The following FAXDC2 variants were observed in gnomAD, a reference collection of about 807,000 sequenced individuals.
The protein encoded by FAXDC2 is fatty acid hydroxylase domain-containing protein 2.
FAXDC2 carries 41 observed loss-of-function variants against 40.9 expected under a neutral mutation model. That is an observed-to-expected ratio of 1.00 (90% CI 0.78 to 1.30). FAXDC2 has a LOEUF of 1.30. Among genes scored for constraint, FAXDC2 ranks in the 50% most tolerant of loss-of-function variants. The pLI, the probability that FAXDC2 is intolerant of heterozygous loss-of-function variation, is 0.00. For synonymous variants in FAXDC2, 157 were observed against 149.3 expected, an observed-to-expected ratio of 1.05 and a Z score of -0.38; for missense variants, 390 against 408.8, an observed-to-expected ratio of 0.95 and a Z score of 0.40.
rs1296623168 is a variant in FAXDC2, at chr5:154,819,764, A to C, written c.*552T>G. On this transcript the variant is annotated 3_prime_UTR_variant, in exon 9 of 9. Transcript: ENST00000326080. The stretch of plus-strand genomic sequence containing the variant: ...TGTATGTTTGTGTGTGTGTTGGGTG[A>C]AGTGGCGACTGGCATCTGGTATGTC... The C allele has an allele frequency of 6.5e-6, 1 of 153,198 alleles. No individual in the cohort carries two copies. Among genetic ancestry groups the C allele is most frequent in the Non-Finnish European group, 1.5e-5 (1 of 68,480 alleles). The allele number at this position is 153,198 out of a possible 1,614,324, so 9.5% of individuals were successfully genotyped here. A position where few individuals can be genotyped will look rare whatever the true frequency, so the allele number is the denominator to read the frequency against.
chr5:154,849,141 G>A (rs1760674820), intron 1 of FAXDC2, among the ~76,000 whole-genome samples: 1 of 152,002 alleles, frequency 6.6e-6, no homozygotes, highest in South Asian at 2.1e-4. Flanking sequence ...TTAGCTGGGT[G>A]TGGTGGCGGG....
rs554429951 is a variant in FAXDC2 at position 154,821,854 on chromosome 5, G to T, written c.679-428C>A. The T allele has an allele frequency of 3.7e-5, 6 of 162,648 alleles. No homozygotes were observed. In the South Asian group the frequency reaches 1.0e-3, roughly 28 times the overall value. The allele number at this position is 162,648 out of a possible 1,614,324, so 10.1% of individuals were successfully genotyped here. ...CTCCTATAATCCCAACACTTTGGGA[G>T]GCCAAGGCGGGTAGATCACGAGGTC... On this transcript the variant is annotated intron_variant, in intron 7 of 8. Coordinates refer to ENST00000326080, the MANE Select transcript of FAXDC2 (RefSeq NM_032385.5).
chr5:154,830,767 C>T (rs1760167428), intron 5 of FAXDC2, 34 bp downstream of exon 5: 1 of 1,608,244 alleles, frequency 6.2e-7, no homozygotes, highest in Non-Finnish European at 8.5e-7. Context: ...CTCTTGCTTT[C>T]TGTGCTTTGA....
intron 5 of FAXDC2, among the ~76,000 whole-genome samples, chr5:154,825,894 T>C (rs913233633): frequency 6.6e-6 from 1 of 151,830 alleles, no homozygotes; most frequent in African/African-American, 2.4e-5. Context: ...TCCACTCAGA[T>C]TGGGGAGGTT....
chr5:154,834,988 C>G (rs148417512), intron 2 of FAXDC2, 54 bp from the exon 3 acceptor site: 2 of 1,115,810 alleles, frequency 1.8e-6, no homozygotes, highest in East Asian at 2.5e-5. Context: ...CCTTTACACC[C>G]AGCTCACTGC....
At chr5:154,833,353 T>G (rs185435310) in intron 4 of FAXDC2, among the ~76,000 whole-genome samples, 87 of 150,934 alleles carry the variant, frequency 5.8e-4, no homozygotes, top group Non-Finnish European at 1.5e-4. Context: ...AATTTTTGTT[T>G]TTTTTTTTTT....
Position 154,848,220 on chromosome 5 carries a change from G to A in FAXDC2, c.-1+2263C>T, listed in dbSNP as rs187531755. The stretch of plus-strand genomic sequence containing the variant: ...TGTTTTGTAAACAACTTGTAAAATT[G>A]TTGAGACAATTTACTCTTAGAGGGG... On this transcript the variant is annotated intron_variant, in intron 1 of 8. Coordinates refer to ENST00000326080, the MANE Select transcript of FAXDC2 (RefSeq NM_032385.5). 2.8e-3 allele frequency among the ~76,000 whole-genome samples: 433 copies of A among 152,198 alleles called. 2 individuals are homozygous for A. Among genetic ancestry groups the A allele is most frequent in the African/African-American group, 9.8e-3 (405 of 41,532 alleles).
intron 2 of FAXDC2, among the ~76,000 whole-genome samples, chr5:154,837,832 C>T (rs1036163514): frequency 6.6e-6 from 1 of 152,100 alleles, no homozygotes; most frequent in Admixed American, 6.5e-5. Flanking sequence ...TCCAAAGGCC[C>T]GAGGCATAGG....
chr5:154,822,257 CAAAAAG>C (rs1759908418), intron 7 of FAXDC2: 1 of 525,512 alleles, frequency 1.9e-6, no homozygotes, highest in African/African-American at 1.9e-5. Context: ...GACCCTGTCT[CAAAAAG>C]AAAAAAAGAA....
intron 1 of FAXDC2, among the ~76,000 whole-genome samples, chr5:154,842,838 T>A (rs191024235): frequency 0.079 from 11,836 of 149,412 alleles, 476 homozygotes; most frequent in Admixed American, 0.13. Flanking sequence ...CCCTTTTTTT[T>A]TAAAAAAAAA....
intron 4 of FAXDC2, among the ~76,000 whole-genome samples, chr5:154,832,427 T>A (rs1013738318): frequency 4.6e-5 from 7 of 152,128 alleles, no homozygotes; most frequent in African/African-American, 1.7e-4. Context: ...GGTCTCGATC[T>A]CCTGACCTCA....
In FAXDC2 at chr5:154,822,594, T is replaced by C. The variant is rs143485591; in HGVS notation, c.573-17A>G. 17 of 1,591,328 alleles carry C rather than the reference T, an allele frequency of 1.1e-5. No homozygotes were observed. The African/African-American group carries it at 2.1e-4, about 20-fold the overall frequency. On this transcript the variant is annotated splice_polypyrimidine_tract_variant and intron_variant, in intron 6 of 8. Coordinates refer to ENST00000326080, the MANE Select transcript of FAXDC2 (RefSeq NM_032385.5). ...TGAAGGAGCCTGGGGAAATAGTTAA[T>C]AGTTAATAACCTGCTGATTCCTCTT...
chr5:154,819,637 G>C lies in FAXDC2; in HGVS notation c.*679C>G, dbSNP rs1759825105. 6.6e-6 allele frequency: 1 copy of C among 152,246 alleles called. No individual in the cohort carries two copies. Among genetic ancestry groups the C allele is most frequent in the Non-Finnish European group, 1.5e-5 (1 of 68,046 alleles). The allele number at this position is 152,246 out of a possible 1,614,324, so 9.4% of individuals were successfully genotyped here. A position where few individuals can be genotyped will look rare whatever the true frequency, so the allele number is the denominator to read the frequency against. The stretch of plus-strand genomic sequence containing the variant: ...CTCGTTGGTTTTAATCCAGGGAGGA[G>C]CTCCTGGATTTCTTTTTCTCCCCCA... On this transcript the variant is annotated 3_prime_UTR_variant, in exon 9 of 9. Transcript: ENST00000326080.
rs766643142 is a variant in FAXDC2, at chr5:154,822,597, T to C, written c.573-20A>G. The stretch of plus-strand genomic sequence containing the variant: ...AGGAGCCTGGGGAAATAGTTAATAG[T>C]TAATAACCTGCTGATTCCTCTTTCT... On this transcript the variant is annotated intron_variant, in intron 6 of 8. Coordinates refer to ENST00000326080, the MANE Select transcript of FAXDC2 (RefSeq NM_032385.5). 6.3e-7 allele frequency: 1 copy of C among 1,578,794 alleles called. No homozygotes were observed. The highest frequency in any genetic ancestry group is 8.7e-7 in the Non-Finnish European group (1 of 1,147,774).
At position 154,820,158 on chromosome 5, in the gene FAXDC2, C is replaced by T; in HGVS notation, c.*158G>A. On this transcript the variant is annotated 3_prime_UTR_variant, in exon 9 of 9. Coordinates refer to ENST00000326080, the MANE Select transcript of FAXDC2 (RefSeq NM_032385.5). ...GGCAGTAGTTTGAAGAAAGCCTCAT[C>T]CTTGGCCCTGCTTTTCCGGGAAGCC... 2 of 621,992 alleles carry T rather than the reference C, an allele frequency of 3.2e-6. No homozygotes were observed. The highest frequency in any genetic ancestry group is 2.9e-6 in the Non-Finnish European group (1 of 343,786). The allele number at this position is 621,992 out of a possible 1,614,324, so 38.5% of individuals were successfully genotyped here.
rs869068025 is a variant in FAXDC2 at position 154,835,883 on chromosome 5, C to CTTTTTTTT, written c.49-957_49-950dup. Among the ~76,000 whole-genome samples, 5 of 47,868 alleles carry CTTTTTTTT rather than the reference C, an allele frequency of 1.0e-4. 2 individuals are homozygous for CTTTTTTTT. Among genetic ancestry groups the CTTTTTTTT allele is most frequent in the African/African-American group, 2.5e-4 (3 of 11,862 alleles). 31.4% of individuals were successfully genotyped at this position (47,868 alleles called of 152,430 possible). A position where few individuals can be genotyped will look rare whatever the true frequency, so the allele number is the denominator to read the frequency against. On this transcript the variant is annotated intron_variant, in intron 2 of 8. Coordinates refer to ENST00000326080, the MANE Select transcript of FAXDC2 (RefSeq NM_032385.5). ...GGAGTGAGCCACCGCGCCCGGCCGACTTTTTTTTTTTTTTTTTTTTTTTTT... is the reference window on the plus strand; with the variant it reads ...GGAGTGAGCCACCGCGCCCGGCCGACTTTTTTTTTTTTTTTTTTTTTTTTTTTTTTTTT...
At chr5:154,826,028 A>AAT (rs1235061889) in intron 5 of FAXDC2, among the ~76,000 whole-genome samples, 1 of 152,108 alleles carries the variant, frequency 6.6e-6, no homozygotes. Flanking sequence ...TTCAGCTTGG[A>AAT]ATTCAGTAGA....
At chr5:154,848,081 C>T (rs922690970) in intron 1 of FAXDC2, among the ~76,000 whole-genome samples, 10 of 152,112 alleles carry the variant, frequency 6.6e-5, no homozygotes, top group Admixed American at 2.6e-4. Flanking sequence ...CCTTGTGATC[C>T]GCCCGCCTCG....
At position 154,834,594 on chromosome 5, in the gene FAXDC2, A is replaced by G. The variant is rs373689550; in HGVS notation, c.244+31T>C. ...AATTAAGTTATAATCATGCACCCAC[A>G]TGCTAGGTGCTGGTGGTCTGGGAAC... On this transcript the variant is annotated intron_variant, in intron 4 of 8. Transcript: ENST00000326080. The G allele has an allele frequency of 2.9e-6, 4 of 1,380,594 alleles. No individual in the cohort carries two copies. The Admixed American group carries it at 5.1e-5, about 17-fold the overall frequency. The allele number at this position is 1,380,594 out of a possible 1,614,324, so 85.5% of individuals were successfully genotyped here.
Sources: allele counts gnomAD v4.1 joint callset (sites outside exome capture counted in the v4.1 genomes callset), GRCh38; gene constraint gnomAD v4.1.1; transcripts MANE v1.5; gene names NCBI Gene and HGNC (gene_info 2026-07-23, HGNC 2026-07-21).